MAP3K21: variants seen among roughly 807,000 people sequenced by gnomAD.
The protein encoded by MAP3K21 is mitogen-activated protein kinase kinase kinase MLK4.
MAP3K21 carries 63 observed loss-of-function variants against 86.1 expected under a neutral mutation model. The ratio of observed to expected loss-of-function variants is 0.73; its 90% CI spans 0.60 to 0.90. The LOEUF is 0.90. Ranked by LOEUF, MAP3K21 falls within the 40% of genes least tolerant of loss-of-function variation. The pLI, the probability that MAP3K21 is intolerant of heterozygous loss-of-function variation, is 0.00. For synonymous variants in MAP3K21, 558 were observed against 564.8 expected, an observed-to-expected ratio of 0.99 and a Z score of 0.17; for missense variants, 1,220 against 1,367.7, an observed-to-expected ratio of 0.89 and a Z score of 1.70.
At chr1:233,345,400 C>T (rs113568970) in intron 1 of MAP3K21, among the ~76,000 whole-genome samples, 2,067 of 152,094 alleles carry the variant, frequency 0.014, 50 homozygotes, top group African/African-American at 0.047. Flanking sequence ...TACTATGCAG[C>T]CGTAAAAAAG....
chr1:233,337,988 G>A (rs1662949319), intron 1 of MAP3K21, among the ~76,000 whole-genome samples: 1 of 151,630 alleles, frequency 6.6e-6, no homozygotes, highest in African/African-American at 2.4e-5. Context: ...TATTAAATAT[G>A]TTATGTTCTT....
At position 233,328,086 on chromosome 1, in the gene MAP3K21, G is replaced by A. The variant is rs1662728024; in HGVS notation, c.58G>A (p.Ala20Thr). 1.5e-6 allele frequency: 2 copies of A among 1,363,710 alleles called. No individual in the cohort carries two copies. Among genetic ancestry groups the A allele is most frequent in the Admixed American group, 3.7e-5 (1 of 27,314 alleles). The allele number at this position is 1,363,710 out of a possible 1,614,324, so 84.5% of individuals were successfully genotyped here. The change falls in exon 1 of 10, where the codon GCC becomes ACC. Residue 20 changes from alanine (A) to threonine (T), a missense_variant. By Grantham distance (58) the Ala-to-Thr change is moderately conservative. This residue lies in a region of MAP3K21 where 369 missense variants were observed against 385.3 expected (regional missense o/e 0.96). Transcript: ENST00000366624. This position sits in a 1 kb window ranked among gnomAD's most constrained non-coding sequence, Gnocchi z 8.7. ...CACCCCGGTGTCCTCGGCCGGGGGA[G>A]CCCCCGGCGGCTCAGCGTCCTCGTC... ...TDTPVSSAGG[A>T]PGGSASSSST...
chr1:233,379,278 A>G lies in MAP3K21; in HGVS notation c.2272A>G (p.Lys758Glu). 6.2e-7 allele frequency: 1 copy of G among 1,614,236 alleles called. No individual in the cohort carries two copies. The highest frequency in any genetic ancestry group is 8.5e-7 in the Non-Finnish European group (1 of 1,180,052). The change falls in exon 9 of 10, where the codon AAG becomes GAG. Residue 758 changes from lysine to glutamate, a missense_variant. Coordinates refer to ENST00000366624, the MANE Select transcript of MAP3K21 (RefSeq NM_032435.3). Reference protein sequence around the residue: ...AEEPLPKEEKKKREGIFQRAS... With the variant: ...AEEPLPKEEKEKREGIFQRAS... ...AGAACCGTTGCCCAAGGAAGAGAAGAAGAAACGAGAGGGAATCTTCCAGCG... is the reference window on the plus strand; with the variant it reads ...AGAACCGTTGCCCAAGGAAGAGAAGGAGAAACGAGAGGGAATCTTCCAGCG...
chr1:233,337,620 G>T (rs183383371), intron 1 of MAP3K21, among the ~76,000 whole-genome samples: 1 of 152,062 alleles, frequency 6.6e-6, no homozygotes, highest in East Asian at 1.9e-4. Flanking sequence ...TTTTAATTTG[G>T]CTAACTTGGG....
At chr1:233,339,682 C>T (rs1314899061) in intron 1 of MAP3K21, among the ~76,000 whole-genome samples, 1 of 151,884 alleles carries the variant, frequency 6.6e-6, no homozygotes, top group Non-Finnish European at 1.5e-5. Context: ...TTGGTTCTCA[C>T]TGTATTGCCC....
intron 1 of MAP3K21, among the ~76,000 whole-genome samples, chr1:233,345,012 C>G (rs1003117171): frequency 2.0e-5 from 3 of 152,132 alleles, no homozygotes; most frequent in Non-Finnish European, 4.4e-5. Context: ...CAGAGAAATG[C>G]AAATCAAAAC....
rs150526004 is a variant in MAP3K21 at position 233,379,546 on chromosome 1, G to T, written c.2540G>T (p.Arg847Leu). ...TGTCCCACTGCCCCAGGAAGTGGTC[G>T]TGAGCCAGCCCTCATGCCAAGACTT... ...DFCPTAPGSG[R>L]EPALMPRLDT... The change falls in exon 9 of 10, where the codon CGT becomes CTT. Residue 847 changes from arginine (R) to leucine (L), a missense_variant. Physicochemically the swap from Arg to Leu is moderately radical, Grantham distance 102. Transcript: ENST00000366624. The T allele has an allele frequency of 1.2e-6, 2 of 1,614,190 alleles. No homozygotes were observed. The highest frequency in any genetic ancestry group is 1.7e-6 in the Non-Finnish European group (2 of 1,180,034).
chr1:233,328,965 C>A lies in MAP3K21; in HGVS notation c.805+132C>A. On this transcript the variant is annotated intron_variant, in intron 1 of 9. Transcript: ENST00000366624. This position sits in a 1 kb window ranked among gnomAD's most constrained non-coding sequence, Gnocchi z 8.7. ...CGCCAGCAGCAACTCATGCCCAGGC[C>A]TTCAGGGCTCGGAAGTCCAGCTAGT... 1.1e-6 allele frequency: 1 copy of A among 890,874 alleles called. No individual in the cohort carries two copies. Among genetic ancestry groups the A allele is most frequent in the Middle Eastern group, 3.8e-4 (1 of 2,612 alleles). 55.2% of individuals were successfully genotyped at this position (890,874 alleles called of 1,614,324 possible).
rs375663065 is a variant in MAP3K21 at position 233,362,055 on chromosome 1, G to T, written c.1314G>T (p.Glu438Asp). 49 of 1,611,370 alleles carry T rather than the reference G, an allele frequency of 3.0e-5. No homozygotes were observed. The highest frequency in any genetic ancestry group is 4.2e-5 in the Non-Finnish European group (49 of 1,178,912). The change falls in exon 5 of 10, where the codon GAG becomes GAT. Residue 438 changes from glutamate (E) to aspartate (D), a missense_variant and splice_region_variant. Transcript: ENST00000366624. Reference sequence around the variant, plus strand: ...GTGGGTGTGAATCTGTGTCGCAGGAGCTGCGATCCCGGGAAGAGGAGCTGA... The same window carrying T: ...GTGGGTGTGAATCTGTGTCGCAGGATCTGCGATCCCGGGAAGAGGAGCTGA... The part of the protein sequence containing the change: ...MFDELRTKEK[E>D]LRSREEELTR...
rs749023251 is a variant in MAP3K21 at position 233,379,602 on chromosome 1, C to A, written c.2596C>A (p.Pro866Thr). 1 of 1,614,134 alleles carries A rather than the reference C, an allele frequency of 6.2e-7. No individual in the cohort carries two copies. The stretch of plus-strand genomic sequence containing the variant: ...TGATTGTAGTGTATCAAGAAACTTG[C>A]CGTCTTCCTTCCTACAGCAGACATG... ...DTDCSVSRNL[P>T]SSFLQQTCGN... The change falls in exon 9 of 10, where the codon CCG becomes ACG. Residue 866 changes from proline (P) to threonine (T), a missense_variant. Coordinates refer to ENST00000366624, the MANE Select transcript of MAP3K21 (RefSeq NM_032435.3).
chr1:233,362,105 CT>C lies in MAP3K21; in HGVS notation c.1365del (p.Gln456ArgfsTer5). The stretch of plus-strand genomic sequence containing the variant: ...ACTCGGGCGGCTCTGCAGCAGAAGT[CT>C]CAGGAGGAGCTGCTAAAGCGGCGTG... ...ELTRAALQQK[S>X]QEELLKRREQ... On this transcript the variant is annotated frameshift_variant, in exon 5 of 10. Coordinates refer to ENST00000366624, the MANE Select transcript of MAP3K21 (RefSeq NM_032435.3). LOFTEE classifies it high-confidence loss of function. The C allele has an allele frequency of 6.2e-7, 1 of 1,613,770 alleles. No individual in the cohort carries two copies. Among genetic ancestry groups the C allele is most frequent in the Non-Finnish European group, 8.5e-7 (1 of 1,179,850 alleles).
At chr1:233,339,446 CCTCCTCCTT>C (rs1166671338) in intron 1 of MAP3K21, among the ~76,000 whole-genome samples, 2 of 113,720 alleles carry the variant, frequency 1.8e-5, no homozygotes, top group African/African-American at 3.6e-5. Flanking sequence ...TCCTCCTTCT[CCTCCTCCTT>C]CTCCTCCTCC....
chr1:233,340,340 G>C (rs1255365641), intron 1 of MAP3K21, among the ~76,000 whole-genome samples: 1 of 152,168 alleles, frequency 6.6e-6, no homozygotes, highest in East Asian at 1.9e-4. Context: ...GAGTTTTATA[G>C]AGGGCGGAAG....
intron 2 of MAP3K21, 87 bp downstream of exon 2, chr1:233,346,709 A>G: frequency 8.5e-7 from 1 of 1,175,872 alleles, no homozygotes; most frequent in Non-Finnish European, 1.2e-6. Context: ...AATTCTCAGC[A>G]TAAATAGTCG....
intron 4 of MAP3K21, among the ~76,000 whole-genome samples, chr1:233,355,676 T>C (rs924355585): frequency 6.6e-6 from 1 of 152,130 alleles, no homozygotes; most frequent in African/African-American, 2.4e-5. Context: ...TCCCTCCTTC[T>C]TTCCCTTATT....
At chr1:233,362,028 C>T (rs1157248815) in intron 4 of MAP3K21, 25 bp from the exon 5 acceptor site, 13 of 1,605,860 alleles carry the variant, frequency 8.1e-6, no homozygotes, top group Admixed American at 1.7e-5. Context: ...GGAATGATTC[C>T]GGTGGGTGTG....
intron 5 of MAP3K21, among the ~76,000 whole-genome samples, chr1:233,362,929 A>C (rs990971830): frequency 4.6e-5 from 7 of 152,142 alleles, no homozygotes; most frequent in African/African-American, 1.7e-4. Context: ...TATATCAATC[A>C]ATCAATACAT....
intron 2 of MAP3K21, among the ~76,000 whole-genome samples, chr1:233,352,556 G>A (rs1663269711): frequency 6.6e-6 from 1 of 151,670 alleles, no homozygotes; most frequent in African/African-American, 2.4e-5. Flanking sequence ...TCAACTTCCC[G>A]AGTTGTTGGG....
rs968837048 is a variant in MAP3K21, at chr1:233,328,182, C to T, written c.154C>T (p.Arg52Cys). 2.0e-6 allele frequency: 3 copies of T among 1,479,126 alleles called. No homozygotes were observed. The African/African-American group carries it at 4.4e-5, about 22-fold the overall frequency. The allele number at this position is 1,479,126 out of a possible 1,614,324, so 91.6% of individuals were successfully genotyped here. A position where few individuals can be genotyped will look rare whatever the true frequency, so the allele number is the denominator to read the frequency against. Residue 52 changes from arginine (R) to cysteine (C), a missense_variant, in exon 1 of 10, where the codon CGC (arginine) becomes TGC (cysteine). Transcript: ENST00000366624. This position sits in a 1 kb window ranked among gnomAD's most constrained non-coding sequence, Gnocchi z 8.7. ...LWAALYDYEA[R>C]GEDELSLRRG... is the part of the protein sequence containing the mutation. ...GGCCGCGCTCTATGACTACGAGGCT[C>T]GCGGCGAGGACGAGCTGAGCCTGCG...
Sources: allele counts gnomAD v4.1 joint callset (sites outside exome capture counted in the v4.1 genomes callset), GRCh38; gene constraint gnomAD v4.1.1; regional missense constraint gnomAD v4.1.1; non-coding constraint Gnocchi (gnomAD v3.1); transcripts MANE v1.5; gene names NCBI Gene and HGNC (gene_info 2026-07-23, HGNC 2026-07-21).